Variants in HERC3 observed in about 807,000 individuals in gnomAD.
HERC3 encodes HECT and RLD domain containing E3 ubiquitin protein ligase 3.
Under a neutral mutation model 129.9 loss-of-function variants are expected in HERC3, and 58 were observed. The observed-to-expected ratio is 0.45, with a 90% CI of 0.36 to 0.56. The LOEUF is 0.56. Ranked by LOEUF, HERC3 falls within the 20% of genes least tolerant of loss-of-function variation. The probability of loss-of-function intolerance (pLI) is 0.00; values close to 1 mark genes in which losing one functional copy is unlikely to be tolerated. For missense variants in HERC3, 835 were observed against 1,244.2 expected (o/e 0.67, Z 4.95); for synonymous variants, 430 against 451.0 (o/e 0.95, Z 0.59).
At chr4:88,534,338 G>C in the HERC3 span, among the ~76,000 whole-genome samples, 1 of 152,220 alleles carries the variant, frequency 6.6e-6, no homozygotes, top group Admixed American at 6.5e-5. Flanking sequence ...ATGCCACCAA[G>C]CATCTTACCA....
chr4:88,622,976 C>T (rs1725703630), intron 3 of HERC3, among the ~76,000 whole-genome samples: 1 of 152,100 alleles, frequency 6.6e-6, no homozygotes, highest in African/African-American at 2.4e-5. Flanking sequence ...GTGCCTATCT[C>T]ATAGGGTTAT....
chr4:88,698,386 CCA>C lies in HERC3; in HGVS notation c.2658-5706_2658-5705del, dbSNP rs1445949232. Among the ~76,000 whole-genome samples, 4 of 152,122 alleles carry C rather than the reference CCA, an allele frequency of 2.6e-5. No homozygotes were observed. In the South Asian group the frequency reaches 6.2e-4, roughly 24 times the overall value. Reference sequence around the variant, plus strand: ...TCCACCCAACACCCCCTTGGCCATCCCACACACCTAGCGGCATATATCTTGGT... The same window carrying C: ...TCCACCCAACACCCCCTTGGCCATCCCACACCTAGCGGCATATATCTTGGT... On this transcript the variant is annotated intron_variant, in intron 23 of 25. Transcript: ENST00000402738.
At chr4:88,563,730 G>A in the HERC3 span, among the ~76,000 whole-genome samples, 1 of 151,282 alleles carries the variant, frequency 6.6e-6, no homozygotes, top group Admixed American at 6.6e-5. Flanking sequence ...CATGATCTCG[G>A]CTCACAGCAA....
At chr4:88,659,024 T>C (rs889674950) in intron 10 of HERC3, among the ~76,000 whole-genome samples, 2 of 152,240 alleles carry the variant, frequency 1.3e-5, no homozygotes, top group African/African-American at 4.8e-5. Context: ...TGACATTGTC[T>C]TTCTGCCTGA....
At chr4:88,683,989 A>G (rs905561303) in intron 21 of HERC3, among the ~76,000 whole-genome samples, 5 of 152,206 alleles carry the variant, frequency 3.3e-5, no homozygotes, top group African/African-American at 1.2e-4. Context: ...ACAAATGGAA[A>G]GAAATTCCAT....
chr4:88,611,370 A>G (rs1309897991), intron 3 of HERC3, among the ~76,000 whole-genome samples: 1 of 152,202 alleles, frequency 6.6e-6, no homozygotes, highest in East Asian at 1.9e-4. Context: ...ATGGAAGGGA[A>G]GTCTGTGGCA....
chr4:88,688,945 A>G (rs1733768695), intron 23 of HERC3, among the ~76,000 whole-genome samples: 1 of 152,158 alleles, frequency 6.6e-6, no homozygotes, highest in Admixed American at 6.5e-5. Context: ...AAGAGCGGGT[A>G]GGGGGTGGGA....
At chr4:88,586,794 A>T in the HERC3 span, among the ~76,000 whole-genome samples, 5 of 152,384 alleles carry the variant, frequency 3.3e-5, 1 homozygote, top group African/African-American at 1.2e-4. Flanking sequence ...CATTTCATAT[A>T]GCAAATATAT....
intron 3 of HERC3, among the ~76,000 whole-genome samples, chr4:88,634,020 A>G (rs180837649): frequency 1.7e-3 from 259 of 152,338 alleles, no homozygotes; most frequent in African/African-American, 6.0e-3. Context: ...TGCACCGGCA[A>G]CCAAGATATC....
At position 88,678,112 on chromosome 4, in the gene HERC3, T is replaced by C. The variant is rs201978921; in HGVS notation, c.2174T>C (p.Ile725Thr). The change falls in exon 19 of 26, where the codon ATT (isoleucine) becomes ACT (threonine). Residue 725 changes from isoleucine (I) to threonine (T), a missense_variant. Physicochemically the swap from Ile to Thr is moderately conservative, Grantham distance 89 (BLOSUM62 -1). Coordinates refer to ENST00000402738, the MANE Select transcript of HERC3 (RefSeq NM_014606.3). ...ALRELSIHSD[I>T]DLKKPLKVIF... Reference sequence around the variant, plus strand: ...AGAGAGCTGAGCATTCATTCTGATATTGATTTGAAAAAGCCTCTCAAAGTG... The same window carrying C: ...AGAGAGCTGAGCATTCATTCTGATACTGATTTGAAAAAGCCTCTCAAAGTG... The C allele has an allele frequency of 1.6e-5, 26 of 1,613,814 alleles. No individual in the cohort carries two copies. Among genetic ancestry groups the C allele is most frequent in the East Asian group, 2.2e-5 (1 of 44,894 alleles).
the HERC3 span, among the ~76,000 whole-genome samples, chr4:88,561,689 T>C: frequency 6.6e-6 from 1 of 152,112 alleles, no homozygotes; most frequent in East Asian, 1.9e-4. Flanking sequence ...CTAGTGACCA[T>C]CATTCTACTG....
chr4:88,622,428 T>C (rs552314916), intron 3 of HERC3, among the ~76,000 whole-genome samples: 2 of 152,360 alleles, frequency 1.3e-5, no homozygotes, highest in South Asian at 4.1e-4. Context: ...CTGTTATGAA[T>C]AATGCTGCTG....
At chr4:88,537,071 T>C in the HERC3 span, among the ~76,000 whole-genome samples, 1 of 152,084 alleles carries the variant, frequency 6.6e-6, no homozygotes. Context: ...CAAAACAAAA[T>C]GAAAACCAAA....
At chr4:88,553,722 C>T in the HERC3 span, among the ~76,000 whole-genome samples, 1 of 152,126 alleles carries the variant, frequency 6.6e-6, no homozygotes, top group Non-Finnish European at 1.5e-5. Context: ...ATTTTTAGTA[C>T]AGACAGGGTT....
the HERC3 span, among the ~76,000 whole-genome samples, chr4:88,576,639 C>G: frequency 6.6e-6 from 1 of 151,916 alleles, no homozygotes; most frequent in East Asian, 1.9e-4. Context: ...TTAATGTGTG[C>G]GTGTGTGTGT....
chr4:88,631,012 A>G lies in HERC3; in HGVS notation c.227-18828A>G, dbSNP rs1338535115. Among the ~76,000 whole-genome samples the G allele has an allele frequency of 2.0e-5, 3 of 152,194 alleles. 1 individual carries two copies. The highest frequency in any genetic ancestry group is 4.4e-5 in the Non-Finnish European group (3 of 68,036). ...TATTATTGACTTCGTCAGTATATCT[A>G]GCTTATTGCATCTGAAAGCATACAT... On this transcript the variant is annotated intron_variant, in intron 3 of 25. Transcript: ENST00000402738.
At chr4:88,679,669 C>A (rs3017917) in intron 19 of HERC3, among the ~76,000 whole-genome samples, 48,094 of 151,716 alleles carry the variant, frequency 0.32, 8,885 homozygotes, top group African/African-American at 0.49. Context: ...AGGTGCCCAC[C>A]ACCATGCCAG....
At chr4:88,695,944 C>T (rs1054261549) in intron 23 of HERC3, 2 of 152,550 alleles carry the variant, frequency 1.3e-5, no homozygotes, top group Non-Finnish European at 2.9e-5. Flanking sequence ...TTTATTAACA[C>T]CACAGTGATA....
intron 21 of HERC3, 102 bp downstream of exon 21, chr4:88,681,427 C>T: frequency 3.0e-6 from 3 of 1,010,004 alleles, no homozygotes; most frequent in South Asian, 3.2e-5. Flanking sequence ...GAGTTTATTG[C>T]ATCCTGTGGT....
Sources: allele counts gnomAD v4.1 joint callset (sites outside exome capture counted in the v4.1 genomes callset), GRCh38; gene constraint gnomAD v4.1.1; transcripts MANE v1.5; gene names NCBI Gene and HGNC (gene_info 2026-07-23, HGNC 2026-07-21).